The following AOPEP variants were observed in gnomAD, a reference collection of about 807,000 sequenced individuals.
AOPEP encodes the protein aminopeptidase O (putative).
A neutral mutation model predicts 98.1 loss-of-function variants in AOPEP; 77 were observed. The observed-to-expected ratio is 0.78, with a 90% CI of 0.65 to 0.95. AOPEP has a LOEUF of 0.95. Ranked by LOEUF, AOPEP falls within the 40% of genes least tolerant of loss-of-function variation. AOPEP has a pLI of 0.00. For missense variants in AOPEP, 1,024 were observed against 1,024.7 expected (o/e 1.00, Z 0.01); for synonymous variants, 346 against 365.3 (o/e 0.95, Z 0.60).
chr9:94,800,101 G>A (rs931243797), intron 4 of AOPEP, among the ~76,000 whole-genome samples: 3 of 152,144 alleles, frequency 2.0e-5, no homozygotes, highest in African/African-American at 7.2e-5. Flanking sequence ...TTAAAAGGCT[G>A]GCTCAGTTAA....
the AOPEP span, chr9:95,135,259 A>T: frequency 7.6e-7 from 1 of 1,314,440 alleles, no homozygotes; most frequent in Non-Finnish European, 1.1e-6. Context: ...TTTTGTTTAC[A>T]TCCCCCCCTT....
At chr9:94,994,966 G>T (rs2061130494) in intron 11 of AOPEP, among the ~76,000 whole-genome samples, 1 of 152,148 alleles carries the variant, frequency 6.6e-6, no homozygotes. Context: ...CAGAAAAAAA[G>T]AAGTATCAAA....
chr9:94,905,649 G>A (rs2051030809), intron 5 of AOPEP, among the ~76,000 whole-genome samples: 2 of 152,154 alleles, frequency 1.3e-5, no homozygotes, highest in Admixed American at 6.5e-5. Flanking sequence ...TCACGCTTTT[G>A]CCCCAATCTT....
At chr9:94,869,341 G>T (rs1389584489) in intron 5 of AOPEP, among the ~76,000 whole-genome samples, 8 of 152,252 alleles carry the variant, frequency 5.3e-5, no homozygotes, top group Non-Finnish European at 7.3e-5. Context: ...TTATGTGTCT[G>T]AAGTTCCAAG....
chr9:95,040,163 G>C (rs189536722), intron 13 of AOPEP, among the ~76,000 whole-genome samples: 1 of 152,336 alleles, frequency 6.6e-6, no homozygotes, highest in East Asian at 1.9e-4. Context: ...TGAGGCCAGA[G>C]CCACACCAGG....
chr9:94,877,608 A>G (rs1300236733), intron 5 of AOPEP, among the ~76,000 whole-genome samples: 1 of 151,942 alleles, frequency 6.6e-6, no homozygotes, highest in Non-Finnish European at 1.5e-5. Context: ...TTTAGTAGAG[A>G]CAGGGTTTCA....
chr9:94,936,769 G>A (rs2056339105), intron 7 of AOPEP, among the ~76,000 whole-genome samples: 1 of 152,178 alleles, frequency 6.6e-6, no homozygotes, highest in African/African-American at 2.4e-5. Flanking sequence ...TCTACCCTGT[G>A]TTTTTGACCA....
chr9:94,738,923 TC>T (rs1436276816), intron 1 of AOPEP, among the ~76,000 whole-genome samples: 1 of 152,164 alleles, frequency 6.6e-6, no homozygotes, highest in African/African-American at 2.4e-5. Flanking sequence ...TGTAACTAAA[TC>T]CCCATGAATA....
chr9:94,758,689 AT>A (rs1282666528), intron 1 of AOPEP, among the ~76,000 whole-genome samples: 1 of 152,212 alleles, frequency 6.6e-6, no homozygotes, highest in Non-Finnish European at 1.5e-5. Flanking sequence ...TTCTCCTGCC[AT>A]TTCTTTTTTG....
intron 9 of AOPEP, 135 bp from the exon 10 acceptor site, chr9:94,967,623 C>CT (rs2059287072): frequency 3.0e-6 from 2 of 674,592 alleles, no homozygotes. Context: ...AGTCTATAGT[C>CT]TTTTAAGTCA....
intron 2 of AOPEP, among the ~76,000 whole-genome samples, chr9:94,761,616 G>A (rs1285067301): frequency 4.7e-4 from 72 of 152,092 alleles, no homozygotes; most frequent in Non-Finnish European, 1.3e-4. Flanking sequence ...GTTTTTTAAA[G>A]CCTCACTTTG....
chr9:95,127,585 G>A, the AOPEP span, among the ~76,000 whole-genome samples: 5 of 152,202 alleles, frequency 3.3e-5, no homozygotes, highest in African/African-American at 1.2e-4. Flanking sequence ...TCCGCTGTGC[G>A]CCCAGGGGGC....
chr9:95,119,787 C>A, the AOPEP span, among the ~76,000 whole-genome samples: 1 of 152,228 alleles, frequency 6.6e-6, no homozygotes, highest in Non-Finnish European at 1.5e-5. Flanking sequence ...TCACAGCTCA[C>A]TGAAGCCTTG....
chr9:94,824,884 T>TTTC (rs1554728057), intron 5 of AOPEP: 2 of 151,588 alleles, frequency 1.3e-5, no homozygotes, highest in African/African-American at 4.8e-5. Context: ...GTGTTTTTTT[T>TTTC]TTTTTTTCCA....
At chr9:94,775,706 G>T (rs182655948) in intron 3 of AOPEP, among the ~76,000 whole-genome samples, 31 of 151,704 alleles carry the variant, frequency 2.0e-4, no homozygotes, top group African/African-American at 7.2e-4. Context: ...CTGGGACAGT[G>T]GCTCACGCCT....
chr9:94,857,206 C>T (rs1257606569), intron 5 of AOPEP, among the ~76,000 whole-genome samples: 1 of 152,222 alleles, frequency 6.6e-6, no homozygotes, highest in Non-Finnish European at 1.5e-5. Flanking sequence ...GTCAGCTCAC[C>T]TAGTTTCCTC....
At chr9:94,926,123 T>C (rs2054284049) in intron 6 of AOPEP, among the ~76,000 whole-genome samples, 1 of 152,218 alleles carries the variant, frequency 6.6e-6, no homozygotes, top group Non-Finnish European at 1.5e-5. Context: ...CATCTGATCA[T>C]GGAACCTCCA....
chr9:94,894,356 A>G (rs1415375612), intron 5 of AOPEP, among the ~76,000 whole-genome samples: 1 of 152,200 alleles, frequency 6.6e-6, no homozygotes, highest in African/African-American at 2.4e-5. Flanking sequence ...ACTAATCCAG[A>G]GGATTAGAAA....
chr9:95,112,245 C>G, the AOPEP span, among the ~76,000 whole-genome samples: 2 of 152,192 alleles, frequency 1.3e-5, no homozygotes, highest in African/African-American at 2.4e-5. Context: ...TGTGCAGTGC[C>G]GGTCTCAGCA....
Sources: gnomAD v4.1 joint callset for allele counts (sites outside exome capture counted in the v4.1 genomes callset) on GRCh38, gnomAD v4.1.1 for gene constraint, MANE v1.5 for transcripts, NCBI Gene and HGNC (gene_info 2026-07-23, HGNC 2026-07-21) for gene names.